The following RASA1 variants were observed in gnomAD, a reference collection of about 807,000 sequenced individuals.
The protein encoded by RASA1 is RAS p21 protein activator 1, also known as ras GTPase-activating protein 1.
In RASA1, 25 loss-of-function variants were observed where a neutral mutation model predicts 132.2. The observed-to-expected ratio is 0.19, with a 90% CI of 0.14 to 0.26. RASA1 has a LOEUF of 0.26. Among genes scored for constraint, RASA1 ranks in the 10% least tolerant of loss-of-function variants. The pLI is 1.00. For synonymous variants in RASA1, 477 were observed against 449.9 expected (o/e 1.06, Z -0.76); for missense variants, 964 against 1,299.2 (o/e 0.74, Z 3.97).
intron 7 of RASA1, among the ~76,000 whole-genome samples, chr5:87,348,156 A>G (rs1758996613): frequency 6.6e-6 from 1 of 152,012 alleles, no homozygotes; most frequent in Admixed American, 6.6e-5. Flanking sequence ...ATATTATACA[A>G]TCAATTTCTG....
chr5:87,268,933 G>T lies in RASA1; in HGVS notation c.482G>T (p.Gly161Val). 6.2e-7 allele frequency: 1 copy of T among 1,614,220 alleles called. No individual in the cohort carries two copies. Among genetic ancestry groups the T allele is most frequent in the South Asian group, 1.1e-5 (1 of 91,078 alleles). ...GTVDEGDSLD[G>V]PEYEEEEVAI... ...GTGGACGAAGGTGACTCTCTGGATGGACCAGAATACGAGGAGGAAGAGGTG... is the reference window on the plus strand; with the variant it reads ...GTGGACGAAGGTGACTCTCTGGATGTACCAGAATACGAGGAGGAAGAGGTG... Residue 161 changes from glycine (G) to valine (V), a missense_variant, in exon 1 of 25, where the codon GGA becomes GTA. Transcript: ENST00000274376.
At chr5:87,381,236 G>A (rs1761694497) in intron 20 of RASA1, among the ~76,000 whole-genome samples, 1 of 152,164 alleles carries the variant, frequency 6.6e-6, no homozygotes, top group Non-Finnish European at 1.5e-5. Context: ...GTCTGGAGAG[G>A]TTAAGTTGAA....
Position 87,323,893 on chromosome 5 carries a change from A to T in RASA1, c.540-7455A>T, listed in dbSNP as rs1580262036. Among the ~76,000 whole-genome samples the T allele has an allele frequency of 3.3e-5, 5 of 152,066 alleles. 1 individual carries two copies. The highest frequency in any genetic ancestry group is 3.3e-4 in the Admixed American group (5 of 15,270). On this transcript the variant is annotated intron_variant, in intron 1 of 24. Coordinates refer to ENST00000274376, the MANE Select transcript of RASA1 (RefSeq NM_002890.3). ...AAGACTGAGACAGGTATTTTTTTGT[A>T]TCCCTGTGTATCCTCCTACTTACTA... is the stretch of plus-strand genomic sequence containing the variant.
At position 87,367,127 on chromosome 5, in the gene RASA1, A is replaced by G. The variant is rs1437007395; in HGVS notation, c.1611-2686A>G. On this transcript the variant is annotated intron_variant, in intron 11 of 24. Transcript: ENST00000274376. The stretch of plus-strand genomic sequence containing the variant: ...TTTTTAAAGTGCCTTCCTGTGAAAT[A>G]GAGAAGCACTTAGTGAGAAAGACTG... 2.6e-5 allele frequency among the ~76,000 whole-genome samples: 4 copies of G among 152,224 alleles called. No individual in the cohort carries two copies. In the East Asian group the frequency reaches 7.7e-4, roughly 29 times the overall value.
In RASA1 at chr5:87,389,548, A is replaced by G. The variant is rs201339801; in HGVS notation, c.3060+21A>G. On this transcript the variant is annotated intron_variant, in intron 24 of 24. Coordinates refer to ENST00000274376, the MANE Select transcript of RASA1 (RefSeq NM_002890.3). ...AGCAGGTAGGCTTTCGCCAGCCTTC[A>G]TTAACAATGATGTTTCAAAGATAAC... 1.2e-3 allele frequency: 2,005 copies of G among 1,612,618 alleles called. 3 individuals carry two copies. The highest frequency in any genetic ancestry group is 1.6e-3 in the Non-Finnish European group (1,874 of 1,178,734).
chr5:87,353,292 G>T, intron 9 of RASA1, 57 bp downstream of exon 9: 1 of 1,390,840 alleles, frequency 7.2e-7, no homozygotes. Context: ...ATGCATTTTG[G>T]TGGTATGTTT....
chr5:87,327,231 CAG>C (rs1419313003), intron 1 of RASA1, among the ~76,000 whole-genome samples: 2 of 152,138 alleles, frequency 1.3e-5, no homozygotes, highest in African/African-American at 4.8e-5. Flanking sequence ...AACTGAGGCT[CAG>C]AGATAAAGTA....
intron 1 of RASA1, among the ~76,000 whole-genome samples, chr5:87,329,069 G>A (rs1354571673): frequency 6.6e-6 from 1 of 151,848 alleles, no homozygotes; most frequent in African/African-American, 2.4e-5. Flanking sequence ...TAACATTTAG[G>A]AAATAGTTAC....
intron 13 of RASA1, among the ~76,000 whole-genome samples, chr5:87,373,688 C>T (rs772837000): frequency 6.6e-6 from 1 of 151,992 alleles, no homozygotes; most frequent in Non-Finnish European, 1.5e-5. Flanking sequence ...TGTATCCTTT[C>T]CTGTAAAATA....
At position 87,338,156 on chromosome 5, in the gene RASA1, G is replaced by A. The variant is rs3752862; in HGVS notation, c.1017+65G>A. Reference sequence around the variant, plus strand: ...TATTTTATAAATTTGGATCTTGTCCGTAATCAGAGAAAGTAGCTATGAATA... The same window carrying A: ...TATTTTATAAATTTGGATCTTGTCCATAATCAGAGAAAGTAGCTATGAATA... On this transcript the variant is annotated intron_variant, in intron 5 of 24. Transcript: ENST00000274376. 0.51 allele frequency: 807,916 copies of A among 1,598,196 alleles called. 210,693 individuals carry two copies. Among genetic ancestry groups the A allele is most frequent in the African/African-American group, 0.88 (65,377 of 74,208 alleles).
In RASA1 at chr5:87,377,028, A is replaced by AT. The variant is rs1347210621; in HGVS notation, c.2333dup (p.Ser779LysfsTer5). ...GTTATGCACACTAAATGACAGAGAA[A>AT]TAAGCATGGAAGGTATGGTATGGCC... On this transcript the variant is annotated frameshift_variant, in exon 17 of 25. Transcript: ENST00000274376. LOFTEE classifies it high-confidence loss of function. 1 of 1,613,688 alleles carries AT rather than the reference A, an allele frequency of 6.2e-7. No individual in the cohort carries two copies. Among genetic ancestry groups the AT allele is most frequent in the African/African-American group, 1.3e-5 (1 of 74,928 alleles).
At chr5:87,368,188 T>C (rs1406405420) in intron 11 of RASA1, among the ~76,000 whole-genome samples, 1 of 152,148 alleles carries the variant, frequency 6.6e-6, no homozygotes, top group East Asian at 1.9e-4. Context: ...TCCTTTTTCC[T>C]CTGTACCAAC....
At chr5:87,368,576 A>T (rs1039961871) in intron 11 of RASA1, among the ~76,000 whole-genome samples, 2 of 152,210 alleles carry the variant, frequency 1.3e-5, no homozygotes, top group African/African-American at 2.4e-5. Context: ...TAGGGTTAGT[A>T]CATCTTGTAA....
chr5:87,362,575 A>C lies in RASA1; in HGVS notation c.1357A>C (p.Thr453Pro). 2 of 1,594,844 alleles carry C rather than the reference A, an allele frequency of 1.3e-6. No individual in the cohort carries two copies. The highest frequency in any genetic ancestry group is 1.7e-6 in the Non-Finnish European group (2 of 1,162,660). ...MQDQEQVLNDTVDGKEIYNTI... is the reference protein window; with the variant it reads ...MQDQEQVLNDPVDGKEIYNTI... Reference sequence around the variant, plus strand: ...GGATCAAGAACAAGTACTCAATGACACAGTGGATGGCAAGGAAATCTATAA... The same window carrying C: ...GGATCAAGAACAAGTACTCAATGACCCAGTGGATGGCAAGGAAATCTATAA... Residue 453 changes from threonine (T) to proline (P), a missense_variant, in exon 10 of 25, where the codon ACA (threonine) becomes CCA (proline). Physicochemically the swap from Thr to Pro is conservative, Grantham distance 38 (BLOSUM62 -1). This residue lies in a region of RASA1 where 25 missense variants were observed against 18.8 expected (regional missense o/e 1.33). Coordinates refer to ENST00000274376, the MANE Select transcript of RASA1 (RefSeq NM_002890.3).
At chr5:87,369,502 T>G (rs1229992278) in intron 11 of RASA1, among the ~76,000 whole-genome samples, 1 of 152,166 alleles carries the variant, frequency 6.6e-6, no homozygotes, top group Non-Finnish European at 1.5e-5. Flanking sequence ...CTTTTCAAAT[T>G]AGCTGTGTGC....
At chr5:87,332,228 G>T (rs1757658692) in intron 2 of RASA1, among the ~76,000 whole-genome samples, 1 of 151,448 alleles carries the variant, frequency 6.6e-6, no homozygotes. Flanking sequence ...GTGAGAAGAG[G>T]TATCTGAGGG....
At chr5:87,370,059 T>G (rs184349309) in intron 12 of RASA1, among the ~76,000 whole-genome samples, 159 bp downstream of exon 12, 99 of 152,248 alleles carry the variant, frequency 6.5e-4, no homozygotes, top group African/African-American at 2.3e-3. Context: ...TGTAAAAAGT[T>G]TTCTGAAAGA....
intron 10 of RASA1, 60 bp from the exon 11 acceptor site, chr5:87,363,288 A>G: frequency 7.2e-7 from 1 of 1,397,702 alleles, no homozygotes; most frequent in East Asian, 2.3e-5. Flanking sequence ...ACTAATTTTA[A>G]TAATATGTAG....
chr5:87,373,754 T>C (rs182233445), intron 13 of RASA1, among the ~76,000 whole-genome samples: 12 of 152,276 alleles, frequency 7.9e-5, no homozygotes, highest in Admixed American at 3.3e-4. Context: ...TTTATAGAAA[T>C]AGAATCTTCC....
Sources: allele counts gnomAD v4.1 joint callset (sites outside exome capture counted in the v4.1 genomes callset), GRCh38; gene constraint gnomAD v4.1.1; regional missense constraint gnomAD v4.1.1; transcripts MANE v1.5; gene names NCBI Gene and HGNC (gene_info 2026-07-23, HGNC 2026-07-21).